Variants in DENND1A observed in about 807,000 individuals in gnomAD.
DENND1A encodes DENN domain containing 1A.
DENND1A carries 51 observed loss-of-function variants against 113.7 expected under a neutral mutation model. The ratio of observed to expected loss-of-function variants is 0.45; its 90% CI spans 0.36 to 0.57. The LOEUF (loss-of-function observed/expected upper bound fraction) is 0.57, where lower values mean the gene tolerates loss of function less well. Ranked by LOEUF, DENND1A falls within the 20% of genes least tolerant of loss-of-function variation. DENND1A has a pLI of 0.00. For missense variants in DENND1A, 1,258 were observed against 1,395.9 expected (o/e 0.90, Z 1.57); for synonymous variants, 565 against 570.8 (o/e 0.99, Z 0.14).
intron 9 of DENND1A, among the ~76,000 whole-genome samples, chr9:123,630,771 T>C (rs185650787): frequency 1.3e-5 from 2 of 152,320 alleles, no homozygotes; most frequent in African/African-American, 4.8e-5. Flanking sequence ...TTGTAGGTTA[T>C]TACACACACA....
At chr9:123,843,107 C>G (rs1842064024) in intron 2 of DENND1A, 2 of 544,192 alleles carry the variant, frequency 3.7e-6, no homozygotes, top group Non-Finnish European at 7.4e-6. Flanking sequence ...TCCTAAGTGT[C>G]TTCATTCCAT....
At chr9:123,676,394 A>G (rs961261192) in intron 6 of DENND1A, among the ~76,000 whole-genome samples, 1 of 152,174 alleles carries the variant, frequency 6.6e-6, no homozygotes, top group Non-Finnish European at 1.5e-5. Context: ...AATTTAATAC[A>G]TGTCACAAAC....
rs9785285 is a variant in DENND1A, at chr9:123,757,789, T to C, written c.216A>G (p.Thr72=). 0.23 allele frequency: 371,914 copies of C among 1,613,506 alleles called. 51,905 individuals are homozygous for C. The highest frequency in any genetic ancestry group is 0.68 in the African/African-American group (50,791 of 74,898). The change falls in exon 5 of 24, where the codon ACA becomes ACG. Residue 72 remains threonine (T), a synonymous_variant. Transcript: ENST00000394215. The part of the protein sequence containing the change: ...LTVSQVGQNF[T]FVLTDIDSKQ... ...TGCTGTCAATGTCAGTGAGCACGAA[T>C]GTGAAGTTCTGGCCAACTTGGCTAA...
chr9:123,515,141 C>A (rs575406900), intron 13 of DENND1A, among the ~76,000 whole-genome samples: 1 of 152,266 alleles, frequency 6.6e-6, no homozygotes, highest in Non-Finnish European at 1.5e-5. Flanking sequence ...CAACCATAGG[C>A]AATGTGTGAT....
At chr9:123,675,506 C>A (rs1286803580) in intron 6 of DENND1A, among the ~76,000 whole-genome samples, 1 of 152,098 alleles carries the variant, frequency 6.6e-6, no homozygotes, top group Non-Finnish European at 1.5e-5. Context: ...AACTAACACT[C>A]AAATTGCTCA....
intron 13 of DENND1A, among the ~76,000 whole-genome samples, chr9:123,486,520 A>G (rs1404240048): frequency 6.6e-6 from 1 of 151,888 alleles, no homozygotes; most frequent in Non-Finnish European, 1.5e-5. Flanking sequence ...TGCATCCCCC[A>G]TGAGTCCCAC....
intron 13 of DENND1A, among the ~76,000 whole-genome samples, chr9:123,517,625 A>G (rs1324512757): frequency 6.6e-6 from 1 of 152,168 alleles, no homozygotes; most frequent in Non-Finnish European, 1.5e-5. Context: ...TCTCAAAAAA[A>G]CAACAGCAAA....
intron 21 of DENND1A, among the ~76,000 whole-genome samples, chr9:123,397,423 G>C (rs2043190260): frequency 6.6e-6 from 1 of 152,126 alleles, no homozygotes; most frequent in Non-Finnish European, 1.5e-5. Context: ...CCAAAGTACT[G>C]GGATACAAGC....
intron 2 of DENND1A, among the ~76,000 whole-genome samples, chr9:123,854,260 CG>C (rs1189131839): frequency 6.6e-6 from 1 of 152,166 alleles, no homozygotes; most frequent in Non-Finnish European, 1.5e-5. Context: ...TTCTCCTGCC[CG>C]GGAACTTCAG....
intron 22 of DENND1A, among the ~76,000 whole-genome samples, chr9:123,384,232 G>C (rs1255121731): frequency 6.6e-6 from 1 of 152,236 alleles, no homozygotes; most frequent in Non-Finnish European, 1.5e-5. Context: ...TTCAGACAAG[G>C]TGTGAGGAAC....
intron 21 of DENND1A, chr9:123,401,876 T>C (rs1205094519): frequency 3.1e-6 from 5 of 1,614,200 alleles, no homozygotes; most frequent in Non-Finnish European, 4.2e-6. Context: ...TGCTTTTCTG[T>C]AGGATGTGGA....
chr9:123,472,297 A>T (rs750163574), intron 13 of DENND1A, among the ~76,000 whole-genome samples: 2 of 152,182 alleles, frequency 1.3e-5, no homozygotes, highest in Admixed American at 1.3e-4. Flanking sequence ...ACCAAGGACC[A>T]GGAAGAAGCA....
intron 16 of DENND1A, among the ~76,000 whole-genome samples, chr9:123,453,227 C>A (rs112830034): frequency 0.082 from 12,543 of 152,254 alleles, 562 homozygotes; most frequent in Admixed American, 0.1. Flanking sequence ...TAAATAATTA[C>A]AACAGCGTGT....
At chr9:123,477,379 C>T (rs1464658243) in intron 13 of DENND1A, among the ~76,000 whole-genome samples, 2 of 151,594 alleles carry the variant, frequency 1.3e-5, no homozygotes, top group African/African-American at 4.9e-5. Flanking sequence ...AGTGAGATCC[C>T]ATCTCTATAA....
intron 1 of DENND1A, among the ~76,000 whole-genome samples, chr9:123,899,677 C>A (rs1286034543): frequency 6.6e-6 from 1 of 152,148 alleles, no homozygotes; most frequent in Non-Finnish European, 1.5e-5. Context: ...TACTTCATCA[C>A]CTGAACATGC....
chr9:123,383,796 A>C lies in DENND1A; in HGVS notation c.1878T>G (p.Ala626=). 6.2e-7 allele frequency: 1 copy of C among 1,614,110 alleles called. No individual in the cohort carries two copies. The highest frequency in any genetic ancestry group is 8.5e-7 in the Non-Finnish European group (1 of 1,180,026). Residue 626 remains alanine, a synonymous_variant, in exon 23 of 24, where the codon GCT becomes GCG. Coordinates refer to ENST00000394215, the MANE Select transcript of DENND1A (RefSeq NM_001352964.2). The part of the protein sequence containing the change: ...TGPVPAPPDR[A]ASIDLLEDVF... ...CGTCTTCCAGAAGGTCGATGCTGGC[A>C]GCCCGGTCAGGGGGAGCTGGGACAG...
At chr9:123,676,655 T>G in intron 6 of DENND1A, 65 bp downstream of exon 6, 1 of 1,501,632 alleles carries the variant, frequency 6.7e-7, no homozygotes, top group Non-Finnish European at 9.1e-7. Flanking sequence ...AAGGCATGTT[T>G]TACTTTTTCA....
At chr9:123,494,299 T>G (rs1337272154) in intron 13 of DENND1A, among the ~76,000 whole-genome samples, 1 of 152,076 alleles carries the variant, frequency 6.6e-6, no homozygotes. Context: ...CTAATCTGAG[T>G]TTAACTCCTG....
intron 1 of DENND1A, among the ~76,000 whole-genome samples, chr9:123,904,049 A>C (rs1194031758): frequency 6.6e-6 from 1 of 152,086 alleles, no homozygotes; most frequent in Admixed American, 6.5e-5. Flanking sequence ...TGCCTCCTCA[A>C]GTGGTTCCCT....
Sources: gnomAD v4.1 joint callset for allele counts (sites outside exome capture counted in the v4.1 genomes callset) on GRCh38, gnomAD v4.1.1 for gene constraint, MANE v1.5 for transcripts, NCBI Gene and HGNC (gene_info 2026-07-23, HGNC 2026-07-21) for gene names.